RANBP2: variants seen among roughly 807,000 people sequenced by gnomAD.
RANBP2 encodes RAN binding protein 2.
A neutral mutation model predicts 303.6 loss-of-function variants in RANBP2; 57 were observed. That is an observed-to-expected ratio of 0.19 (90% CI 0.15 to 0.23). RANBP2 has a LOEUF of 0.23. Ranked by LOEUF, RANBP2 falls within the 10% of genes least tolerant of loss-of-function variation. The pLI, the probability that RANBP2 is intolerant of heterozygous loss-of-function variation, is 1.00. For synonymous variants in RANBP2, 1,167 were observed against 1,301.5 expected (o/e 0.90, Z 2.23); for missense variants, 3,138 against 3,780.8 (o/e 0.83, Z 4.46).
the RANBP2 span, among the ~76,000 whole-genome samples, chr2:109,228,133 T>C: frequency 2.6e-5 from 4 of 152,212 alleles, no homozygotes; most frequent in African/African-American, 7.2e-5. Flanking sequence ...TGTGTTTTCA[T>C]GCTGCAAATG....
At chr2:109,607,737 C>G in the RANBP2 span, among the ~76,000 whole-genome samples, 7 of 151,994 alleles carry the variant, frequency 4.6e-5, no homozygotes, top group Non-Finnish European at 1.0e-4. Flanking sequence ...TTAGTCTTTC[C>G]TCCCCTGACT....
At chr2:108,877,243 G>A in the RANBP2 span, among the ~76,000 whole-genome samples, 249 of 152,128 alleles carry the variant, frequency 1.6e-3, 2 homozygotes, top group African/African-American at 5.7e-3. Flanking sequence ...TGAGGTGGGC[G>A]GATCACCTAA....
the RANBP2 span, among the ~76,000 whole-genome samples, chr2:108,839,804 G>A: frequency 6.6e-6 from 1 of 151,622 alleles, no homozygotes; most frequent in Non-Finnish European, 1.5e-5. Context: ...CATGTTATCT[G>A]CAAATGAAAA....
chr2:109,732,783 CT>C, the RANBP2 span: 2 of 890,986 alleles, frequency 2.2e-6, no homozygotes, highest in Non-Finnish European at 3.7e-6. Flanking sequence ...TTGGAACAGA[CT>C]TTTGGCTACT....
the RANBP2 span, among the ~76,000 whole-genome samples, chr2:109,766,513 T>A: frequency 1.3e-5 from 2 of 150,604 alleles, no homozygotes; most frequent in East Asian, 2.0e-4. Flanking sequence ...CTTGATGACG[T>A]TGAAGATGAG....
At chr2:109,306,586 G>A in the RANBP2 span, among the ~76,000 whole-genome samples, 2 of 152,202 alleles carry the variant, frequency 1.3e-5, no homozygotes, top group African/African-American at 2.4e-5. Context: ...CTCCAGGCAG[G>A]AAGCTACATG....
the RANBP2 span, among the ~76,000 whole-genome samples, chr2:109,372,061 C>G: frequency 6.6e-6 from 1 of 152,242 alleles, no homozygotes; most frequent in Non-Finnish European, 1.5e-5. Flanking sequence ...AGAACCCGTC[C>G]CAAGGCAGCA....
At chr2:109,483,878 C>T in the RANBP2 span, among the ~76,000 whole-genome samples, 1 of 152,202 alleles carries the variant, frequency 6.6e-6, no homozygotes, top group East Asian at 1.9e-4. Flanking sequence ...TGGCTTGGCT[C>T]CTCAGAAGCA....
the RANBP2 span, among the ~76,000 whole-genome samples, chr2:109,738,325 G>GTT: frequency 2.2e-5 from 3 of 138,772 alleles, no homozygotes; most frequent in South Asian, 2.5e-4. Flanking sequence ...TTTATTTATT[G>GTT]TTTTTTTATT....
At chr2:109,367,119 ATTTT>A in the RANBP2 span, among the ~76,000 whole-genome samples, 1 of 113,318 alleles carries the variant, frequency 8.8e-6, no homozygotes, top group African/African-American at 3.4e-5. Flanking sequence ...TGCCCTGGTA[ATTTT>A]TTTTTTTTTT....
At chr2:108,788,731 A>T (rs1679384382), downstream of RANBP2, 9 of 1,408,520 alleles carry the variant, frequency 6.4e-6, no homozygotes. Context: ...AAGAAAAAAA[A>T]AGAAAAAAAA....
the RANBP2 span, among the ~76,000 whole-genome samples, chr2:109,078,089 TATATATATATA>T: frequency 0.12 from 1,243 of 10,496 alleles, 108 homozygotes; most frequent in African/African-American, 0.16. Context: ...TATATATATA[TATATATATATA>T]TATATATATA....
the RANBP2 span, among the ~76,000 whole-genome samples, chr2:108,800,507 C>T: frequency 5.9e-5 from 9 of 151,978 alleles, no homozygotes; most frequent in East Asian, 1.7e-3. Context: ...TCAAGCAATC[C>T]ACCTGCCTCG....
At chr2:108,871,946 G>A in the RANBP2 span, among the ~76,000 whole-genome samples, 1 of 152,042 alleles carries the variant, frequency 6.6e-6, no homozygotes, top group African/African-American at 2.4e-5. Context: ...TCCTTTTACT[G>A]TGGCTTCTCC....
chr2:108,897,297 T>A, the RANBP2 span: 3 of 1,408,138 alleles, frequency 2.1e-6, no homozygotes, highest in Non-Finnish European at 3.0e-6. Context: ...CACTGAAAAA[T>A]TATTTAAATG....
the RANBP2 span, among the ~76,000 whole-genome samples, chr2:108,837,906 G>A: frequency 6.6e-6 from 1 of 151,886 alleles, no homozygotes; most frequent in African/African-American, 2.4e-5. Context: ...AACTTATGAG[G>A]TGTCTATAAT....
chr2:108,764,411 C>T lies in RANBP2; in HGVS notation c.3872C>T (p.Ala1291Val). ...ATTAGGTTCAAAACTCCTGAGGAAG[C>T]AGCACTTTTTAAATGCAAGTTTGAA... ...LAIRFKTPEEAALFKCKFEEA... is the reference protein window; with the variant it reads ...LAIRFKTPEEVALFKCKFEEA... Residue 1291 changes from alanine to valine, a missense_variant, in exon 20 of 29, where the codon GCA becomes GTA. Transcript: ENST00000283195. 1 of 1,613,984 alleles carries T rather than the reference C, an allele frequency of 6.2e-7. No individual in the cohort carries two copies. Among genetic ancestry groups the T allele is most frequent in the Non-Finnish European group, 8.5e-7 (1 of 1,179,972 alleles).
chr2:109,515,366 C>T, the RANBP2 span, among the ~76,000 whole-genome samples: 1 of 152,174 alleles, frequency 6.6e-6, no homozygotes, highest in African/African-American at 2.4e-5. Flanking sequence ...TGGCTATGCC[C>T]TCCCTGGAGG....
the RANBP2 span, among the ~76,000 whole-genome samples, chr2:109,268,774 C>T: frequency 3.3e-5 from 5 of 151,274 alleles, no homozygotes; most frequent in Non-Finnish European, 7.4e-5. Context: ...CTGATGATGT[C>T]GCCTACTATA....
Sources: allele counts gnomAD v4.1 joint callset (sites outside exome capture counted in the v4.1 genomes callset), GRCh38; gene constraint gnomAD v4.1.1; transcripts MANE v1.5; gene names NCBI Gene and HGNC (gene_info 2026-07-23, HGNC 2026-07-21).